PRRC2A: variants seen among roughly 807,000 people sequenced by gnomAD.
The protein encoded by PRRC2A is proline rich coiled-coil 2A.
In PRRC2A, 59 loss-of-function variants were observed where a neutral mutation model predicts 224.6. That is an observed-to-expected ratio of 0.26 (90% confidence interval 0.21 to 0.33). PRRC2A has a LOEUF of 0.33. Among genes scored for constraint, PRRC2A ranks in the 10% least tolerant of loss-of-function variants. PRRC2A has a pLI of 1.00. For synonymous variants in PRRC2A, 1,194 were observed against 1,109.5 expected, an observed-to-expected ratio of 1.08 and a Z score of -1.51; for missense variants, 3,095 against 2,880.7, an observed-to-expected ratio of 1.07 and a Z score of -1.70.
Position 31,633,654 on chromosome 6 carries a change from T to C in PRRC2A, c.4588+7T>C, listed in dbSNP as rs1776954028. 3 of 1,605,504 alleles carry C rather than the reference T, an allele frequency of 1.9e-6. No individual in the cohort carries two copies. Among genetic ancestry groups the C allele is most frequent in the Admixed American group, 1.7e-5 (1 of 59,396 alleles). Reference sequence around the variant, plus strand: ...AACAGCGGCCTCAGTTCTGGTAAGCTGGAGGGGTTATGGGTGGGAATATCT... The same window carrying C: ...AACAGCGGCCTCAGTTCTGGTAAGCCGGAGGGGTTATGGGTGGGAATATCT... On this transcript the variant is annotated splice_region_variant and intron_variant, in intron 17 of 30. Coordinates refer to ENST00000376033, the MANE Select transcript of PRRC2A (RefSeq NM_004638.4).
At chr6:31,635,929 G>C in intron 24 of PRRC2A, 38 bp from the exon 25 acceptor site, 1 of 1,536,656 alleles carries the variant, frequency 6.5e-7, no homozygotes, top group Non-Finnish European at 8.9e-7. Flanking sequence ...CTTGACCACA[G>C]ATACTAAAGC....
rs11755228 is a variant in PRRC2A, at chr6:31,623,144, T to G, written c.112+243T>G. 5,114 of 749,200 alleles carry G rather than the reference T, an allele frequency of 6.8e-3. 61 individuals are homozygous for G. Among genetic ancestry groups the G allele is most frequent in the Middle Eastern group, 0.029 (126 of 4,382 alleles). 46.4% of individuals were successfully genotyped at this position (749,200 alleles called of 1,614,324 possible). On this transcript the variant is annotated intron_variant, in intron 2 of 30. Transcript: ENST00000376033. ...CACGTAAGAATTGGAGGAAAATAAA[T>G]GTGGATTTGGGAAACTTTGAGGCCA...
In PRRC2A at chr6:31,625,866, G is replaced by C; in HGVS notation, c.834G>C (p.Gly278=). ...QGPYRYPTPD[G]PSRFPRVAGP... is the part of the protein sequence containing the mutation. ...CTTACCGATACCCCACTCCTGATGG[G>C]CCCAGGTGAGCAATCCAGGTCTGGG... The change falls in exon 8 of 31, where the codon GGG becomes GGC. Residue 278 remains glycine (G), a synonymous_variant. Coordinates refer to ENST00000376033, the MANE Select transcript of PRRC2A (RefSeq NM_004638.4). The surrounding 1 kb of genome is among the most constrained non-coding windows in gnomAD (Gnocchi z 4.1). 1 of 1,585,588 alleles carries C rather than the reference G, an allele frequency of 6.3e-7. No individual in the cohort carries two copies. Among genetic ancestry groups the C allele is most frequent in the Non-Finnish European group, 8.7e-7 (1 of 1,155,306 alleles).
intron 13 of PRRC2A, 66 bp downstream of exon 13, chr6:31,629,400 C>A: frequency 6.6e-7 from 1 of 1,511,732 alleles, no homozygotes; most frequent in South Asian, 1.3e-5. Flanking sequence ...TAATTCTCTT[C>A]ATAAGTTACC....
Position 31,632,330 on chromosome 6 carries a change from C to T in PRRC2A, c.3657C>T (p.Ser1219=), listed in dbSNP as rs999491764. Residue 1219 remains serine, a synonymous_variant, in exon 16 of 31, where the codon TCC becomes TCT. Coordinates refer to ENST00000376033, the MANE Select transcript of PRRC2A (RefSeq NM_004638.4). ...AGAAGTTGATCCCAGGGCCTCTGTC[C>T]CCTGTGGCGCGCGGAGGCAGCAATG... The part of the protein sequence containing the change: ...LKEKLIPGPL[S]PVARGGSNGG... 1 of 1,613,422 alleles carries T rather than the reference C, an allele frequency of 6.2e-7. No homozygotes were observed. Among genetic ancestry groups the T allele is most frequent in the South Asian group, 1.1e-5 (1 of 91,084 alleles).
Position 31,637,100 on chromosome 6 carries a change from G to A in PRRC2A, c.6206G>A (p.Gly2069Glu). 6.2e-7 allele frequency: 1 copy of A among 1,611,082 alleles called. No homozygotes were observed. The highest frequency in any genetic ancestry group is 1.1e-5 in the South Asian group (1 of 90,796). ...TATCAAAAACTGAGCAGCAACCTTG[G>A]GGGACCTGGATCATCACGGACTCCC... ...QDYQKLSSNL[G>E]GPGSSRTPPT... The change falls in exon 29 of 31, where the codon GGG (glycine) becomes GAG (glutamate). Residue 2069 changes from glycine to glutamate, a missense_variant. Coordinates refer to ENST00000376033, the MANE Select transcript of PRRC2A (RefSeq NM_004638.4).
At position 31,634,282 on chromosome 6, in the gene PRRC2A, C is replaced by G. The variant is rs770980146; in HGVS notation, c.4766C>G (p.Pro1589Arg). ...AGCTCTGGATTCTTGGGCTCTAAGCCTGAGGGCCCAGGCCCTCAGGCAGAG... is the reference window on the plus strand; with the variant it reads ...AGCTCTGGATTCTTGGGCTCTAAGCGTGAGGGCCCAGGCCCTCAGGCAGAG... ...PHSSGFLGSK[P>R]EGPGPQAESR... Residue 1589 changes from proline (P) to arginine (R), a missense_variant, in exon 19 of 31, where the codon CCT (proline) becomes CGT (arginine). By Grantham distance (103) the Pro-to-Arg change is moderately radical. Coordinates refer to ENST00000376033, the MANE Select transcript of PRRC2A (RefSeq NM_004638.4). The G allele has an allele frequency of 6.2e-7, 1 of 1,605,160 alleles. No individual in the cohort carries two copies. Among genetic ancestry groups the G allele is most frequent in the East Asian group, 2.2e-5 (1 of 44,832 alleles).
rs1457587078 is a variant in PRRC2A at position 31,632,263 on chromosome 6, C to T, written c.3590C>T (p.Pro1197Leu). 2 of 1,613,062 alleles carry T rather than the reference C, an allele frequency of 1.2e-6. No homozygotes were observed. The highest frequency in any genetic ancestry group is 1.1e-5 in the South Asian group (1 of 91,090). The stretch of plus-strand genomic sequence containing the variant: ...GCCAAGTCTCTGGCTCCCAAGAAAC[C>T]TCCCACAGGCCCTTTGCCACCAAGT... ...PPAKSLAPKK[P>L]PTGPLPPSKE... The change falls in exon 16 of 31, where the codon CCT becomes CTT. Residue 1197 changes from proline (P) to leucine (L), a missense_variant. Pro to Leu is a moderately conservative substitution (Grantham distance 98). Around this residue, in one of 8 missense-constraint regions of PRRC2A, gnomAD observed 2,001 missense variants for 1,764.9 expected, o/e 1.13. Transcript: ENST00000376033.
At position 31,632,135 on chromosome 6, in the gene PRRC2A, T is replaced by C; in HGVS notation, c.3462T>C (p.Thr1154=). The change falls in exon 16 of 31, where the codon ACT becomes ACC. Residue 1154 remains threonine, a synonymous_variant. Transcript: ENST00000376033. ...CTTCACCAGCCCCAGCCCGCTTCAC[T>C]GCCCGGGGTGGGCGAGTCTTCACTC... ...APPSPAPARF[T]ARGGRVFTPR... is the part of the protein sequence containing the mutation. 2 of 1,557,838 alleles carry C rather than the reference T, an allele frequency of 1.3e-6. No individual in the cohort carries two copies. The highest frequency in any genetic ancestry group is 1.7e-6 in the Non-Finnish European group (2 of 1,152,338).
In PRRC2A at chr6:31,637,097, T is replaced by G. The variant is rs1777462452; in HGVS notation, c.6203T>G (p.Leu2068Arg). The change falls in exon 29 of 31, where the codon CTT (leucine) becomes CGT (arginine). Residue 2068 changes from leucine (L) to arginine (R), a missense_variant. Leu to Arg is a moderately radical substitution (Grantham distance 102). This residue lies in a region of PRRC2A where 662 missense variants were observed against 609.5 expected (regional missense o/e 1.09). Coordinates refer to ENST00000376033, the MANE Select transcript of PRRC2A (RefSeq NM_004638.4). ...FQDYQKLSSN[L>R]GGPGSSRTPP... ...GATTATCAAAAACTGAGCAGCAACC[T>G]TGGGGGACCTGGATCATCACGGACT... is the stretch of plus-strand genomic sequence containing the variant. 6.2e-7 allele frequency: 1 copy of G among 1,611,080 alleles called. No homozygotes were observed. The highest frequency in any genetic ancestry group is 8.5e-7 in the Non-Finnish European group (1 of 1,178,932).
chr6:31,629,770 C>T lies in PRRC2A; in HGVS notation c.2179C>T (p.Pro727Ser). 3 of 1,613,418 alleles carry T rather than the reference C, an allele frequency of 1.9e-6. No individual in the cohort carries two copies. Among genetic ancestry groups the T allele is most frequent in the Non-Finnish European group, 2.5e-6 (3 of 1,179,718 alleles). ...CTTTGATCCCCGATGGATGATGATTCCTCCTTATGTGGACCCCCGGCTCCT... is the reference window on the plus strand; with the variant it reads ...CTTTGATCCCCGATGGATGATGATTTCTCCTTATGTGGACCCCCGGCTCCT... Reference protein sequence around the residue: ...MNFDPRWMMIPPYVDPRLLQG... With the variant: ...MNFDPRWMMISPYVDPRLLQG... Residue 727 changes from proline (P) to serine (S), a missense_variant, in exon 14 of 31, where the codon CCT (proline) becomes TCT (serine). Pro to Ser is a moderately conservative substitution (Grantham distance 74). Coordinates refer to ENST00000376033, the MANE Select transcript of PRRC2A (RefSeq NM_004638.4).
rs745397253 is a variant in PRRC2A, at chr6:31,625,970, C to T, written c.840-50C>T. 23 of 1,602,518 alleles carry T rather than the reference C, an allele frequency of 1.4e-5. No individual in the cohort carries two copies. The highest frequency in any genetic ancestry group is 1.8e-5 in the Non-Finnish European group (21 of 1,173,074). The stretch of plus-strand genomic sequence containing the variant: ...AGGAGGCTCAGTCTAGGATCAGTCT[C>T]GCATGTGGTTATACAACATGCCATA... On this transcript the variant is annotated intron_variant, in intron 8 of 30. Transcript: ENST00000376033. The surrounding 1 kb of genome is among the most constrained non-coding windows in gnomAD (Gnocchi z 4.1).
Position 31,634,767 on chromosome 6 carries a change from C to T in PRRC2A, c.4950C>T (p.Asp1650=). 6.2e-7 allele frequency: 1 copy of T among 1,612,400 alleles called. No individual in the cohort carries two copies. Among genetic ancestry groups the T allele is most frequent in the Non-Finnish European group, 8.5e-7 (1 of 1,179,886 alleles). Residue 1650 remains aspartate, a synonymous_variant, in exon 21 of 31, where the codon GAC becomes GAT. Transcript: ENST00000376033. ...ACTCCTCTCAGATGAGTCAGTCTGA[C>T]AGTGGGGTGGACCTGAGTGGGGATT... is the stretch of plus-strand genomic sequence containing the variant. ...DVAGTEMSQS[D]SGVDLSGDSQ...
rs372250830 is a variant in PRRC2A at position 31,635,952 on chromosome 6, G to A, written c.5542-15G>A. 2.5e-6 allele frequency: 4 copies of A among 1,595,780 alleles called. No homozygotes were observed. The highest frequency in any genetic ancestry group is 3.4e-6 in the Non-Finnish European group (4 of 1,166,672). On this transcript the variant is annotated splice_polypyrimidine_tract_variant and intron_variant, in intron 24 of 30. Transcript: ENST00000376033. ...CAGATACTAAAGCTGTTTCAACCGT[G>A]CTCCTCTCCTGCAGATCTCTGGGGG... is the stretch of plus-strand genomic sequence containing the variant.
chr6:31,628,705 G>A (rs1776193259), intron 12 of PRRC2A: 1 of 218,876 alleles, frequency 4.6e-6, no homozygotes, highest in Non-Finnish European at 9.1e-6. Context: ...GCCAAGTGTG[G>A]TGGCATGTGC....
intron 14 of PRRC2A, among the ~76,000 whole-genome samples, chr6:31,630,341 C>T (rs1776406129): frequency 6.6e-6 from 1 of 152,158 alleles, no homozygotes; most frequent in Non-Finnish European, 1.5e-5. Context: ...AATAGCACAA[C>T]TCCATCTCAA....
chr6:31,625,438 C>T lies in PRRC2A; in HGVS notation c.608-22C>T. The T allele has an allele frequency of 6.2e-7, 1 of 1,605,576 alleles. No homozygotes were observed. The highest frequency in any genetic ancestry group is 8.5e-7 in the Non-Finnish European group (1 of 1,172,878). ...TTGTCCTCCAATCATTGATACCTCT[C>T]TCTACCTTTTCCAAAATACAGATTC... On this transcript the variant is annotated intron_variant, in intron 6 of 30. Transcript: ENST00000376033. This position sits in a 1 kb window ranked among gnomAD's most constrained non-coding sequence, Gnocchi z 4.1.
At chr6:31,633,719 G>T in intron 17 of PRRC2A, 72 bp downstream of exon 17, 2 of 1,543,266 alleles carry the variant, frequency 1.3e-6, no homozygotes, top group Non-Finnish European at 1.7e-6. Context: ...GGAGCGGGTG[G>T]AGAACCTGGC....
chr6:31,626,655 A>C, intron 9 of PRRC2A, 117 bp from the exon 10 acceptor site: 1 of 911,516 alleles, frequency 1.1e-6, no homozygotes, highest in South Asian at 1.7e-5. Context: ...TGGTGGATCT[A>C]GACTTCGGAG....
Sources: allele counts gnomAD v4.1 joint callset (sites outside exome capture counted in the v4.1 genomes callset), GRCh38; gene constraint gnomAD v4.1.1; regional missense constraint gnomAD v4.1.1; non-coding constraint Gnocchi (gnomAD v3.1); transcripts MANE v1.5; gene names NCBI Gene and HGNC (gene_info 2026-07-23, HGNC 2026-07-21).